The following KPNA3 variants were observed in gnomAD, a reference collection of about 807,000 sequenced individuals.
KPNA3 encodes the protein karyopherin subunit alpha 3.
Under a neutral mutation model 73.8 loss-of-function variants are expected in KPNA3, and 13 were observed. The ratio of observed to expected loss-of-function variants is 0.18; its 90% confidence interval spans 0.11 to 0.28. The LOEUF (loss-of-function observed/expected upper bound fraction) is 0.28, where lower values mean the gene tolerates loss of function less well. Ranked by LOEUF, KPNA3 falls within the 10% of genes least tolerant of loss-of-function variation. The pLI is 1.00. For synonymous variants in KPNA3, 186 were observed against 206.9 expected (o/e 0.90, Z 0.87); for missense variants, 360 against 618.1 (o/e 0.58, Z 4.43).
rs1236399656 is a variant in KPNA3, at chr13:49,722,545, A to G, written c.488T>C (p.Leu163Pro). ...CTGATGTGGTGAACGAAGAAGTCTC[A>G]GAAAAAGAGGTACTGCATCTGTAAT... Reference protein sequence around the residue: ...VVQSNAVPLFLRLLRSPHQNV... With the variant: ...VVQSNAVPLFPRLLRSPHQNV... Residue 163 changes from leucine to proline, a missense_variant, in exon 8 of 17, where the codon CTG (leucine) becomes CCG (proline). Physicochemically the swap from Leu to Pro is moderately conservative, Grantham distance 98 (BLOSUM62 -3). Transcript: ENST00000261667. 6.2e-7 allele frequency: 1 copy of G among 1,609,234 alleles called. No individual in the cohort carries two copies. Among genetic ancestry groups the G allele is most frequent in the Non-Finnish European group, 8.5e-7 (1 of 1,176,852 alleles).
chr13:49,763,926 G>A (rs1954788584), intron 1 of KPNA3, among the ~76,000 whole-genome samples: 1 of 152,126 alleles, frequency 6.6e-6, no homozygotes, highest in Non-Finnish European at 1.5e-5. Flanking sequence ...AATTAGCTGG[G>A]TGTGGTGCTG....
chr13:49,719,958 G>A (rs1954339924), intron 9 of KPNA3, 139 bp from the exon 10 acceptor site: 3 of 568,998 alleles, frequency 5.3e-6, no homozygotes, highest in East Asian at 6.6e-5. Context: ...TATCTTTTAG[G>A]AAAATGAAAA....
chr13:49,779,123 A>C (rs1954921617), intron 1 of KPNA3, among the ~76,000 whole-genome samples: 1 of 152,082 alleles, frequency 6.6e-6, no homozygotes, highest in South Asian at 2.1e-4. Context: ...AATTCAACTG[A>C]ATGACTTCCA....
intron 1 of KPNA3, among the ~76,000 whole-genome samples, chr13:49,761,224 GGTCTCCCTCTCCCTCTCCCCACA>G (rs1312173470): frequency 1.9e-4 from 29 of 151,280 alleles, no homozygotes; most frequent in Non-Finnish European, 3.2e-4. Context: ...CTCTCCCCAC[GGTCTCCCTCTCCCTCTCCCCACA>G]GTCTCCCTCT....
intron 1 of KPNA3, among the ~76,000 whole-genome samples, chr13:49,760,875 A>G (rs988490283): frequency 6.6e-5 from 10 of 152,164 alleles, no homozygotes; most frequent in African/African-American, 4.8e-5. Context: ...CAAAAAGAGG[A>G]GGCAAGAGTA....
At chr13:49,790,429 G>A (rs770286839) in intron 1 of KPNA3, among the ~76,000 whole-genome samples, 9 of 152,198 alleles carry the variant, frequency 5.9e-5, no homozygotes, top group Non-Finnish European at 1.3e-4. Context: ...GAGTGCCTGA[G>A]CACTCCAACT....
intron 1 of KPNA3, among the ~76,000 whole-genome samples, chr13:49,761,003 A>T (rs897409233): frequency 1.3e-5 from 2 of 152,234 alleles, no homozygotes; most frequent in Non-Finnish European, 2.9e-5. Flanking sequence ...TCGTGTTTTT[A>T]AAAAGAATTC....
chr13:49,721,114 G>C (rs548208720), intron 9 of KPNA3, among the ~76,000 whole-genome samples: 3 of 151,918 alleles, frequency 2.0e-5, no homozygotes, highest in African/African-American at 7.2e-5. Flanking sequence ...AGCTACTCAG[G>C]AGGCTGAGGC....
chr13:49,731,369 G>A (rs1398073174), intron 6 of KPNA3, among the ~76,000 whole-genome samples: 1 of 150,976 alleles, frequency 6.6e-6, no homozygotes, highest in Non-Finnish European at 1.5e-5. Context: ...GATTACAGGC[G>A]TGAGCCACTG....
At position 49,714,457 on chromosome 13, in the gene KPNA3, C is replaced by A. The variant is rs114092274; in HGVS notation, c.772-3435G>T. On this transcript the variant is annotated intron_variant, in intron 10 of 16. Transcript: ENST00000261667. ...ACTTTAATGCAAGTAAACATAGATG[C>A]AATGAATAATTTACTAGAACAATAG... 4.3e-3 allele frequency among the ~76,000 whole-genome samples: 650 copies of A among 152,192 alleles called. 6 individuals carry two copies. Among genetic ancestry groups the A allele is most frequent in the African/African-American group, 0.015 (616 of 41,554 alleles).
intron 1 of KPNA3, among the ~76,000 whole-genome samples, chr13:49,781,823 T>C (rs1321528644): frequency 1.3e-5 from 2 of 152,188 alleles, no homozygotes; most frequent in East Asian, 3.8e-4. Flanking sequence ...ACCTTAGAGT[T>C]ATGTTGCAAA....
At chr13:49,709,437 G>C (rs1436549914) in intron 12 of KPNA3, 135 bp downstream of exon 12, 1 of 611,244 alleles carries the variant, frequency 1.6e-6, no homozygotes, top group Non-Finnish European at 2.6e-6. Flanking sequence ...AACATTTGCA[G>C]AGGTGATTTA....
At chr13:49,758,415 T>C (rs1954729874) in intron 1 of KPNA3, among the ~76,000 whole-genome samples, 1 of 152,120 alleles carries the variant, frequency 6.6e-6, no homozygotes, top group Non-Finnish European at 1.5e-5. Context: ...TAACCCTGCA[T>C]CTCCAGTTAA....
chr13:49,750,991 CG>C (rs1954658068), intron 1 of KPNA3, among the ~76,000 whole-genome samples: 1 of 148,414 alleles, frequency 6.7e-6, no homozygotes, highest in Non-Finnish European at 1.5e-5. Context: ...GATTCTGTCT[CG>C]AAAAAAAAAA....
intron 2 of KPNA3, among the ~76,000 whole-genome samples, chr13:49,739,389 G>A (rs1954552943): frequency 6.6e-6 from 1 of 152,148 alleles, no homozygotes; most frequent in African/African-American, 2.4e-5. Context: ...AATGGTAAGA[G>A]CTCTGCCATT....
At chr13:49,739,978 C>CAGTG (rs1954558619) in intron 2 of KPNA3, among the ~76,000 whole-genome samples, 1 of 152,124 alleles carries the variant, frequency 6.6e-6, no homozygotes, top group Non-Finnish European at 1.5e-5. Context: ...CAGCTGAGTG[C>CAGTG]AGTGGCTCAT....
intron 6 of KPNA3, among the ~76,000 whole-genome samples, chr13:49,730,070 G>C (rs1212186700): frequency 6.6e-6 from 1 of 152,126 alleles, no homozygotes; most frequent in Non-Finnish European, 1.5e-5. Context: ...TTTGCTTTGG[G>C]TGGTGGTTAC....
chr13:49,735,499 T>C (rs1218338435), intron 2 of KPNA3, among the ~76,000 whole-genome samples: 1 of 152,194 alleles, frequency 6.6e-6, no homozygotes, highest in African/African-American at 2.4e-5. Flanking sequence ...GTCAGATTAA[T>C]CATTAAAACC....
chr13:49,716,249 T>G (rs1954303122), intron 10 of KPNA3, among the ~76,000 whole-genome samples: 1 of 152,182 alleles, frequency 6.6e-6, no homozygotes, highest in African/African-American at 2.4e-5. Flanking sequence ...GCCTTTGATC[T>G]ATATTAGCCT....
Sources: allele counts gnomAD v4.1 joint callset (sites outside exome capture counted in the v4.1 genomes callset), GRCh38; gene constraint gnomAD v4.1.1; transcripts MANE v1.5; gene names NCBI Gene and HGNC (gene_info 2026-07-23, HGNC 2026-07-21).